Variants in DAZL observed in about 807,000 individuals in gnomAD.
DAZL encodes the protein deleted in azoospermia like.
In DAZL, 4 loss-of-function variants were observed where a neutral mutation model predicts 45.0. That is an observed-to-expected ratio of 0.09 (90% CI 0.04 to 0.20). The LOEUF (loss-of-function observed/expected upper bound fraction) is 0.20, where lower values mean the gene tolerates loss of function less well. Ranked by LOEUF, DAZL falls within the 10% of genes least tolerant of loss-of-function variation. The pLI is 1.00. For missense variants in DAZL, 326 were observed against 351.3 expected, an observed-to-expected ratio of 0.93 and a Z score of 0.58; for synonymous variants, 122 against 112.4, an observed-to-expected ratio of 1.09 and a Z score of -0.54.
intron 1 of DAZL, among the ~76,000 whole-genome samples, chr3:16,602,984 TGATC>T (rs1295112801): frequency 6.6e-6 from 1 of 152,198 alleles, no homozygotes; most frequent in Non-Finnish European, 1.5e-5. Flanking sequence ...AAAAAGCTAA[TGATC>T]GATCAACTTC....
chr3:16,589,124 C>T (rs1694481113), intron 10 of DAZL, among the ~76,000 whole-genome samples: 1 of 152,098 alleles, frequency 6.6e-6, no homozygotes, highest in Non-Finnish European at 1.5e-5. Context: ...AACAGCTCTC[C>T]AATCTGAAAT....
At chr3:16,601,574 A>C (rs73142529) in intron 1 of DAZL, among the ~76,000 whole-genome samples, 24,308 of 152,212 alleles carry the variant, frequency 0.16, 2,392 homozygotes, top group East Asian at 0.46. Flanking sequence ...CAATAGACAA[A>C]CTTTGGTGAA....
At chr3:16,604,743 G>A (rs889275886) in intron 1 of DAZL, 27 of 1,364,770 alleles carry the variant, frequency 2.0e-5, no homozygotes, top group Non-Finnish European at 2.1e-5. Flanking sequence ...GGAGCCACGG[G>A]GAGAGCGCGC....
intron 8 of DAZL, among the ~76,000 whole-genome samples, chr3:16,594,249 A>G (rs1354230536): frequency 2.0e-5 from 3 of 152,126 alleles, no homozygotes; most frequent in African/African-American, 7.2e-5. Flanking sequence ...CATTAATACT[A>G]CCTTTCCTGA....
At chr3:16,604,860 G>A (rs569754878) in intron 1 of DAZL, 2 of 715,502 alleles carry the variant, frequency 2.8e-6, no homozygotes, top group Non-Finnish European at 4.4e-6. Context: ...AGTCGGGGGT[G>A]GGGAACCCGC....
At chr3:16,596,686 T>C (rs962742686) in intron 6 of DAZL, 64 bp downstream of exon 6, 3 of 1,563,034 alleles carry the variant, frequency 1.9e-6, no homozygotes, top group Non-Finnish European at 2.6e-6. Flanking sequence ...AAATTGGATG[T>C]AATTCCACAG....
intron 9 of DAZL, among the ~76,000 whole-genome samples, chr3:16,593,038 A>G (rs189252565): frequency 2.8e-4 from 41 of 148,260 alleles, no homozygotes; most frequent in Admixed American, 2.7e-3. Flanking sequence ...TGCCATATAT[A>G]ATGTTACAGA....
intron 1 of DAZL, among the ~76,000 whole-genome samples, chr3:16,601,201 GTCTCT>G (rs983548283): frequency 2.0e-5 from 3 of 152,160 alleles, no homozygotes; most frequent in African/African-American, 7.2e-5. Context: ...GATCTCTGGT[GTCTCT>G]TCTAATTCTC....
chr3:16,603,064 C>A (rs56841478), intron 1 of DAZL, among the ~76,000 whole-genome samples: 21,304 of 152,054 alleles, frequency 0.14, 1,926 homozygotes, highest in East Asian at 0.46. Context: ...GTTGACAATT[C>A]AAAAAATCCT....
chr3:16,602,860 A>G (rs1305332926), intron 1 of DAZL, among the ~76,000 whole-genome samples: 1 of 152,220 alleles, frequency 6.6e-6, no homozygotes, highest in Non-Finnish European at 1.5e-5. Flanking sequence ...AATTAGGAAT[A>G]AGGTAAGGGC....
chr3:16,598,447 A>G lies in DAZL; in HGVS notation c.150+5T>C, dbSNP rs1269102440. ...CAAGGTAAAAATGAGGTATGAATAC[A>G]ATACCCTAACATCAATTCCTCCAAC... is the stretch of plus-strand genomic sequence containing the variant. On this transcript the variant is annotated splice_donor_5th_base_variant and intron_variant, in intron 2 of 10. Transcript: ENST00000399444. 1 of 1,607,000 alleles carries G rather than the reference A, an allele frequency of 6.2e-7. No homozygotes were observed. The highest frequency in any genetic ancestry group is 1.3e-5 in the African/African-American group (1 of 74,804).
rs201702703 is a variant in DAZL at position 16,596,734 on chromosome 3, G to A, written c.498+16C>T. On this transcript the variant is annotated intron_variant, in intron 6 of 10. Transcript: ENST00000399444. ...CTACAATAAACAAGAGAATAGGAAC[G>A]TTAAGCAATTCTTACCTGAACATAC... 16 of 1,612,878 alleles carry A rather than the reference G, an allele frequency of 9.9e-6. No homozygotes were observed. Among genetic ancestry groups the A allele is most frequent in the East Asian group, 6.7e-5 (3 of 44,850 alleles).
intron 10 of DAZL, among the ~76,000 whole-genome samples, chr3:16,591,034 A>G (rs1039490339): frequency 7.9e-5 from 12 of 152,228 alleles, no homozygotes; most frequent in Non-Finnish European, 1.5e-4. Context: ...ATATATTTCA[A>G]TAAACCTATT....
chr3:16,599,184 T>TA (rs111790325), intron 1 of DAZL, among the ~76,000 whole-genome samples: 106 of 146,458 alleles, frequency 7.2e-4, no homozygotes, highest in African/African-American at 1.5e-3. Flanking sequence ...GTGAATTACT[T>TA]AAAAAAAAAA....
At position 16,588,271 on chromosome 3, in the gene DAZL, G is replaced by A. The variant is rs1694467471; in HGVS notation, c.*389C>T. 3.5e-6 allele frequency: 1 copy of A among 284,684 alleles called. No individual in the cohort carries two copies. Among genetic ancestry groups the A allele is most frequent in the African/African-American group, 2.2e-5 (1 of 45,490 alleles). The allele number at this position is 284,684 out of a possible 1,614,324, so 17.6% of individuals were successfully genotyped here. A position where few individuals can be genotyped will look rare whatever the true frequency, so the allele number is the denominator to read the frequency against. Reference sequence around the variant, plus strand: ...TACTGTAAATACTGTACTGTTCACAGGTACTTGTTGGAGAAGTGAAATGTT... The same window carrying A: ...TACTGTAAATACTGTACTGTTCACAAGTACTTGTTGGAGAAGTGAAATGTT... On this transcript the variant is annotated 3_prime_UTR_variant, in exon 11 of 11. Coordinates refer to ENST00000399444, the MANE Select transcript of DAZL (RefSeq NM_001351.4).
intron 6 of DAZL, 35 bp from the exon 7 acceptor site, chr3:16,595,420 T>C (rs764713556): frequency 3.2e-6 from 4 of 1,245,900 alleles, no homozygotes; most frequent in South Asian, 2.8e-5. Context: ...ATGAATAATA[T>C]AAAACATTTT....
chr3:16,601,952 CTG>C (rs1489596551), intron 1 of DAZL, among the ~76,000 whole-genome samples: 3 of 152,104 alleles, frequency 2.0e-5, no homozygotes, highest in Admixed American at 6.6e-5. Context: ...TGAAAGCAAA[CTG>C]AGATTTATAT....
intron 7 of DAZL, 80 bp from the exon 8 acceptor site, chr3:16,594,663 G>T: frequency 1.1e-6 from 1 of 916,936 alleles, no homozygotes. Flanking sequence ...ACACAATATT[G>T]AAGTACTTAT....
intron 7 of DAZL, 22 bp downstream of exon 7, chr3:16,595,292 A>G (rs1694582291): frequency 7.3e-7 from 1 of 1,361,908 alleles, no homozygotes; most frequent in East Asian, 2.3e-5. Context: ...AAAGTAAATC[A>G]TTTTACTCCC....
Sources: allele counts gnomAD v4.1 joint callset (sites outside exome capture counted in the v4.1 genomes callset), GRCh38; gene constraint gnomAD v4.1.1; transcripts MANE v1.5; gene names NCBI Gene and HGNC (gene_info 2026-07-23, HGNC 2026-07-21).